Variants in USP28 observed in about 807,000 individuals in gnomAD.
USP28 encodes the protein ubiquitin carboxyl-terminal hydrolase 28.
Under a neutral mutation model 145.0 loss-of-function variants are expected in USP28, and 113 were observed. That is an observed-to-expected ratio of 0.78 (90% CI 0.67 to 0.91). The LOEUF (loss-of-function observed/expected upper bound fraction) is 0.91, where lower values mean the gene tolerates loss of function less well. Among genes scored for constraint, USP28 ranks in the 40% least tolerant of loss-of-function variants. USP28 has a pLI of 0.00. For missense variants in USP28, 1,201 were observed against 1,289.6 expected (o/e 0.93, Z 1.05); for synonymous variants, 447 against 450.9 (o/e 0.99, Z 0.11).
At chr11:113,869,369 C>T (rs1224126153) in intron 1 of USP28, among the ~76,000 whole-genome samples, 1 of 152,214 alleles carries the variant, frequency 6.6e-6, no homozygotes, top group Non-Finnish European at 1.5e-5. Context: ...GCGGGGGTTA[C>T]AGTGAGCTGA....
At chr11:113,854,610 C>CAG (rs1292843575) in intron 1 of USP28, among the ~76,000 whole-genome samples, 1 of 152,156 alleles carries the variant, frequency 6.6e-6, no homozygotes, top group African/African-American at 2.4e-5. Context: ...CATTGTTGGT[C>CAG]AGGCTGGTCT....
chr11:113,845,116 C>CAAA (rs554416453), intron 3 of USP28, among the ~76,000 whole-genome samples: 1 of 70,974 alleles, frequency 1.4e-5, no homozygotes, highest in Non-Finnish European at 2.9e-5. Flanking sequence ...AGACCCTTCT[C>CAAA]AAAAAAAAAA....
At chr11:113,799,364 G>A in exon 25 of USP28, 4 of 1,614,228 alleles carry the variant, frequency 2.5e-6, no homozygotes, top group Non-Finnish European at 3.4e-6. Context: ...GATTTCTGCA[G>A]AAGGATCTAG....
intron 13 of USP28, 48 bp from the exon 14 acceptor site, chr11:113,815,430 C>G (rs1941590916): frequency 6.4e-7 from 1 of 1,561,754 alleles, no homozygotes; most frequent in African/African-American, 1.4e-5. Context: ...CAAAAGATAC[C>G]TTGGCCTAAA....
chr11:113,805,161 C>T, intron 19 of USP28, 115 bp from the exon 21 acceptor site: 1 of 913,100 alleles, frequency 1.1e-6, no homozygotes, highest in Non-Finnish European at 1.6e-6. Flanking sequence ...CTAAAAAATT[C>T]ATATCGAATT....
At chr11:113,869,839 C>CA (rs1404710687) in intron 1 of USP28, among the ~76,000 whole-genome samples, 3 of 152,220 alleles carry the variant, frequency 2.0e-5, no homozygotes, top group African/African-American at 7.2e-5. Flanking sequence ...CACTGGGAAA[C>CA]AGAGTATAGA....
chr11:113,801,054 A>C (rs955592202), intron 24 of USP28, among the ~76,000 whole-genome samples: 11 of 151,982 alleles, frequency 7.2e-5, no homozygotes, highest in African/African-American at 9.7e-5. Flanking sequence ...TGTTGGCCAG[A>C]CTTGGTCTTG....
intron 3 of USP28, 80 bp downstream of exon 3, chr11:113,852,421 T>C (rs1946570218): frequency 6.4e-7 from 1 of 1,558,252 alleles, no homozygotes; most frequent in Non-Finnish European, 8.8e-7. Context: ...CTGATGTGAT[T>C]GACAGGGAAC....
At chr11:113,861,938 T>C (rs1232140097) in intron 1 of USP28, among the ~76,000 whole-genome samples, 1 of 152,176 alleles carries the variant, frequency 6.6e-6, no homozygotes, top group Non-Finnish European at 1.5e-5. Flanking sequence ...TGGGAAAATA[T>C]CAGGGAAAGA....
intron 24 of USP28, among the ~76,000 whole-genome samples, chr11:113,799,931 A>G (rs778790198): frequency 2.6e-5 from 4 of 152,250 alleles, no homozygotes; most frequent in Non-Finnish European, 5.9e-5. Context: ...CAGTAAAGGG[A>G]AACACATGGC....
chr11:113,824,425 C>T (rs1366324616), intron 11 of USP28, among the ~76,000 whole-genome samples: 1 of 152,000 alleles, frequency 6.6e-6, no homozygotes, highest in Non-Finnish European at 1.5e-5. Context: ...TCAAGCAATC[C>T]TCCTGCCTCA....
At position 113,799,188 on chromosome 11, in the gene USP28, G is replaced by C. The variant is rs1008696677; in HGVS notation, c.*52C>G. 5.7e-6 allele frequency: 9 copies of C among 1,574,796 alleles called. No individual in the cohort carries two copies. In the African/African-American group the frequency reaches 6.8e-5, roughly 12 times the overall value. On this transcript the variant is annotated 3_prime_UTR_variant, in exon 25 of 25. Coordinates refer to ENST00000003302, the Ensembl canonical transcript of USP28. ...GTGAGCACTATGACAACGAACTTCTGTGCAAGAGGCAGGCAGCCAGGAACC... is the reference window on the plus strand; with the variant it reads ...GTGAGCACTATGACAACGAACTTCTCTGCAAGAGGCAGGCAGCCAGGAACC...
intron 1 of USP28, among the ~76,000 whole-genome samples, chr11:113,857,067 G>A (rs1340118499): frequency 1.3e-5 from 2 of 152,128 alleles, no homozygotes; most frequent in Non-Finnish European, 2.9e-5. Flanking sequence ...ACAAAGAAAG[G>A]AAAACTGCTG....
chr11:113,846,888 G>A (rs531000810), intron 3 of USP28, among the ~76,000 whole-genome samples: 15 of 152,236 alleles, frequency 9.9e-5, no homozygotes, highest in Non-Finnish European at 1.6e-4. Context: ...CCAGCTACTC[G>A]GGAGGCTGAG....
At chr11:113,857,384 A>T (rs1370387045) in intron 1 of USP28, among the ~76,000 whole-genome samples, 1 of 152,230 alleles carries the variant, frequency 6.6e-6, no homozygotes, top group Non-Finnish European at 1.5e-5. Flanking sequence ...TTTGCTTCAT[A>T]TAAAATCAAA....
At chr11:113,834,835 A>G (rs1354136131) in intron 5 of USP28, among the ~76,000 whole-genome samples, 2 of 152,396 alleles carry the variant, frequency 1.3e-5, no homozygotes, top group East Asian at 3.9e-4. Context: ...TGAAAATGAA[A>G]AAAACAAGAG....
chr11:113,809,182 T>C lies in USP28; in HGVS notation c.2045A>G (p.Gln682Arg), dbSNP rs143129056. The change falls in exon 17 of 25, where the codon CAG (glutamine) becomes CGG (arginine). Residue 682 changes from glutamine (Q) to arginine (R), a missense_variant. Coordinates refer to ENST00000003302, the Ensembl canonical transcript of USP28. ...CTGCTCAAACCGCCAGTTATCCTCC[T>C]GAATGTAATGCTTGAGTTCCACAGA... 1.5e-4 allele frequency: 236 copies of C among 1,614,240 alleles called. No individual in the cohort carries two copies. The highest frequency in any genetic ancestry group is 5.0e-4 in the Admixed American group (30 of 60,026).
At chr11:113,852,282 C>G (rs1231158866) in intron 3 of USP28, among the ~76,000 whole-genome samples, 3 of 152,222 alleles carry the variant, frequency 2.0e-5, no homozygotes, top group Non-Finnish European at 4.4e-5. Context: ...CCTGCCTCGG[C>G]CTCCCAAAGT....
intron 7 of USP28, among the ~76,000 whole-genome samples, chr11:113,832,911 C>T (rs1944165658): frequency 6.6e-6 from 1 of 152,162 alleles, no homozygotes; most frequent in Admixed American, 6.5e-5. Context: ...GCTGGGACTA[C>T]AGGTGCGTAC....
Sources: allele counts gnomAD v4.1 joint callset (sites outside exome capture counted in the v4.1 genomes callset), GRCh38; gene constraint gnomAD v4.1.1; transcripts MANE v1.5; gene names NCBI Gene and HGNC (gene_info 2026-07-23, HGNC 2026-07-21).